TBCA: variants seen among roughly 807,000 people sequenced by gnomAD.
TBCA encodes tubulin-specific chaperone A.
In TBCA, 6 loss-of-function variants were observed where a neutral mutation model predicts 15.8. That is an observed-to-expected ratio of 0.38 (90% CI 0.21 to 0.75). The LOEUF is 0.75. TBCA is among the 30% of genes least tolerant of loss of function. The pLI is 0.46. For synonymous variants in TBCA, 32 were observed against 42.3 expected, an observed-to-expected ratio of 0.76 and a Z score of 0.94; for missense variants, 90 against 131.2, an observed-to-expected ratio of 0.69 and a Z score of 1.53.
intron 1 of TBCA, among the ~76,000 whole-genome samples, chr5:77,775,246 A>G (rs1239902426): frequency 6.6e-6 from 1 of 152,238 alleles, no homozygotes; most frequent in East Asian, 1.9e-4. Flanking sequence ...CTAAGGCATA[A>G]GTGACTATTC....
At chr5:77,739,955 C>A (rs1458571001) in intron 1 of TBCA, among the ~76,000 whole-genome samples, 1 of 152,042 alleles carries the variant, frequency 6.6e-6, no homozygotes, top group Non-Finnish European at 1.5e-5. Context: ...AAATGTGGGG[C>A]TAGGGGAGGG....
intron 1 of TBCA, among the ~76,000 whole-genome samples, chr5:77,775,346 A>G (rs887888776): frequency 1.3e-5 from 2 of 152,208 alleles, no homozygotes; most frequent in African/African-American, 4.8e-5. Flanking sequence ...CTTATCTATG[A>G]CCTGGATGCC....
intron 2 of TBCA, chr5:77,705,500 T>G (rs1170952598): frequency 7.5e-6 from 3 of 398,112 alleles, no homozygotes; most frequent in Non-Finnish European, 1.3e-5. Context: ...TTACATTCCA[T>G]ATGTAAATCC....
chr5:77,742,626 T>C (rs1747069546), intron 1 of TBCA, among the ~76,000 whole-genome samples: 1 of 152,236 alleles, frequency 6.6e-6, no homozygotes, highest in African/African-American at 2.4e-5. Flanking sequence ...TAACTTTCAG[T>C]AAATATACCA....
intron 1 of TBCA, among the ~76,000 whole-genome samples, chr5:77,725,194 T>C (rs1746606541): frequency 6.6e-6 from 1 of 152,216 alleles, no homozygotes; most frequent in East Asian, 1.9e-4. Context: ...CCATTTGCAA[T>C]CCAGCTGCAT....
chr5:77,726,363 T>C (rs1254382676), intron 1 of TBCA, among the ~76,000 whole-genome samples: 1 of 152,244 alleles, frequency 6.6e-6, no homozygotes, highest in Non-Finnish European at 1.5e-5. Context: ...TTGAATTCTA[T>C]TTCAGTATCA....
intron 1 of TBCA, among the ~76,000 whole-genome samples, chr5:77,716,227 A>C (rs1746396549): frequency 6.6e-6 from 1 of 152,210 alleles, no homozygotes; most frequent in African/African-American, 2.4e-5. Flanking sequence ...GAAGCTGATC[A>C]AAAAATGATA....
intron 1 of TBCA, among the ~76,000 whole-genome samples, chr5:77,734,059 T>A (rs901610919): frequency 2.6e-5 from 4 of 152,178 alleles, no homozygotes; most frequent in African/African-American, 9.7e-5. Context: ...GTTTATAGCA[T>A]GAATATTTTA....
Position 77,708,556 on chromosome 5 carries a change from A to C in TBCA, c.54-209T>G, listed in dbSNP as rs148223325. ...TCCTATACCTGCCTAACGTAAGTGC[A>C]ATCTATCAAAGCATGAAATTCTTTT... On this transcript the variant is annotated intron_variant, in intron 1 of 3. Coordinates refer to ENST00000380377, the MANE Select transcript of TBCA (RefSeq NM_004607.3). 1,818 of 340,898 alleles carry C rather than the reference A, an allele frequency of 5.3e-3. 32 individuals are homozygous for C. The highest frequency in any genetic ancestry group is 0.035 in the African/African-American group (1,629 of 46,992). 21.1% of individuals were successfully genotyped at this position (340,898 alleles called of 1,614,324 possible).
chr5:77,749,253 G>A lies in TBCA; in HGVS notation c.53+26952C>T, dbSNP rs138662315. Among the ~76,000 whole-genome samples, 428 of 152,364 alleles carry A rather than the reference G, an allele frequency of 2.8e-3. 3 individuals carry two copies. The highest frequency in any genetic ancestry group is 5.1e-3 in the Non-Finnish European group (348 of 68,040). Reference sequence around the variant, plus strand: ...GGTGATGAGTGTCAACACTGAGTGAGTCACAACAGCAACAAGAGGTGGCTA... The same window carrying A: ...GGTGATGAGTGTCAACACTGAGTGAATCACAACAGCAACAAGAGGTGGCTA... On this transcript the variant is annotated intron_variant, in intron 1 of 3. Transcript: ENST00000380377.
intron 1 of TBCA, among the ~76,000 whole-genome samples, chr5:77,759,943 C>T (rs1747568603): frequency 6.6e-6 from 1 of 152,196 alleles, no homozygotes; most frequent in African/African-American, 2.4e-5. Context: ...GACTATTCTA[C>T]CTCCTAAGAG....
chr5:77,771,107 C>T (rs1013956351), intron 1 of TBCA, among the ~76,000 whole-genome samples: 2 of 151,902 alleles, frequency 1.3e-5, no homozygotes, highest in African/African-American at 4.8e-5. Context: ...GGTGACACAG[C>T]GAGACTCTGA....
chr5:77,729,682 A>C (rs1316853300), intron 1 of TBCA, among the ~76,000 whole-genome samples: 1 of 152,224 alleles, frequency 6.6e-6, no homozygotes, highest in Non-Finnish European at 1.5e-5. Context: ...GATCTCACAA[A>C]TAACAAAAAG....
At chr5:77,701,220 A>G (rs1006620105) in intron 2 of TBCA, among the ~76,000 whole-genome samples, 1 of 152,162 alleles carries the variant, frequency 6.6e-6, no homozygotes, top group African/African-American at 2.4e-5. Flanking sequence ...AGCAAGAAAA[A>G]AACAAACAAT....
intron 1 of TBCA, among the ~76,000 whole-genome samples, chr5:77,762,748 A>G (rs542471026): frequency 6.6e-6 from 1 of 152,134 alleles, no homozygotes; most frequent in African/African-American, 2.4e-5. Context: ...CTCTCCACAC[A>G]CCCTTAACTA....
chr5:77,709,968 C>T (rs112024035), intron 1 of TBCA, among the ~76,000 whole-genome samples: 2,399 of 152,086 alleles, frequency 0.016, 50 homozygotes, highest in African/African-American at 0.055. Flanking sequence ...TCTATAGAAA[C>T]GTAAAGTAGA....
intron 1 of TBCA, among the ~76,000 whole-genome samples, chr5:77,713,118 A>AT (rs1746321150): frequency 1.3e-5 from 2 of 152,022 alleles, no homozygotes; most frequent in Non-Finnish European, 2.9e-5. Context: ...ACACGGCGAG[A>AT]TTTTGTCTCT....
intron 3 of TBCA, chr5:77,692,360 G>C: frequency 1.0e-6 from 1 of 985,136 alleles, no homozygotes; most frequent in South Asian, 4.7e-5. Flanking sequence ...TTTGTTCTCT[G>C]TTAGTAAATA....
At chr5:77,734,793 G>A (rs1476075570) in intron 1 of TBCA, among the ~76,000 whole-genome samples, 1 of 152,178 alleles carries the variant, frequency 6.6e-6, no homozygotes, top group African/African-American at 2.4e-5. Context: ...GTTCATGAAA[G>A]GAGTCCATCA....
Sources: allele counts gnomAD v4.1 joint callset (sites outside exome capture counted in the v4.1 genomes callset), GRCh38; gene constraint gnomAD v4.1.1; transcripts MANE v1.5; gene names NCBI Gene and HGNC (gene_info 2026-07-23, HGNC 2026-07-21).